Variants in GLRA3 observed in about 807,000 individuals in gnomAD.
The protein encoded by GLRA3 is glycine receptor alpha 3.
Under a neutral mutation model 60.4 loss-of-function variants are expected in GLRA3, and 44 were observed. That is an observed-to-expected ratio of 0.73 (90% CI 0.57 to 0.94). The LOEUF (loss-of-function observed/expected upper bound fraction) is 0.94, where lower values mean the gene tolerates loss of function less well. Ranked by LOEUF, GLRA3 falls within the 40% of genes least tolerant of loss-of-function variation. The pLI, the probability that GLRA3 is intolerant of heterozygous loss-of-function variation, is 0.00. For synonymous variants in GLRA3, 223 were observed against 192.9 expected (o/e 1.16, Z -1.29); for missense variants, 508 against 564.6 (o/e 0.90, Z 1.02).
chr4:174,643,987 C>T lies in GLRA3; in HGVS notation c.1194G>A (p.Met398Ile). 1 of 1,613,900 alleles carries T rather than the reference C, an allele frequency of 6.2e-7. No homozygotes were observed. The highest frequency in any genetic ancestry group is 8.5e-7 in the Non-Finnish European group (1 of 1,179,886). Residue 398 changes from methionine to isoleucine, a missense_variant, in exon 10 of 10, where the codon ATG (methionine) becomes ATA (isoleucine). This residue lies in a region of GLRA3 where 176 missense variants were observed against 197.9 expected (regional missense o/e 0.89). Transcript: ENST00000274093. ...MGPCLQAKDG[M>I]TPKGPNHPVQ... ...CAGGGTGGTTGGGGCCCTTTGGAGT[C>T]ATGCCATCCTTTGCTTGTAGACATG...
chr4:174,670,184 A>G (rs1034060674), intron 7 of GLRA3, among the ~76,000 whole-genome samples: 2 of 152,100 alleles, frequency 1.3e-5, no homozygotes, highest in Admixed American at 6.6e-5. Context: ...ATTTCTTAAT[A>G]TATTACCTTT....
intron 2 of GLRA3, among the ~76,000 whole-genome samples, chr4:174,775,242 G>A (rs111809627): frequency 6.6e-6 from 1 of 152,040 alleles, no homozygotes; most frequent in Non-Finnish European, 1.5e-5. Flanking sequence ...GAACAATAGT[G>A]TCTTGGTGGA....
chr4:174,770,917 T>C (rs553676987), intron 2 of GLRA3, among the ~76,000 whole-genome samples: 1 of 151,514 alleles, frequency 6.6e-6, no homozygotes, highest in Non-Finnish European at 1.5e-5. Flanking sequence ...AATGAAAGAG[T>C]TCATGTCCTT....
intron 1 of GLRA3, among the ~76,000 whole-genome samples, chr4:174,809,842 C>T (rs1740192370): frequency 6.6e-6 from 1 of 151,948 alleles, no homozygotes; most frequent in South Asian, 2.1e-4. Flanking sequence ...GAGTGCTATC[C>T]TCACCATTTG....
At chr4:174,751,267 A>G (rs1737476016) in intron 3 of GLRA3, among the ~76,000 whole-genome samples, 1 of 152,112 alleles carries the variant, frequency 6.6e-6, no homozygotes, top group Non-Finnish European at 1.5e-5. Flanking sequence ...CGAAGGAGAC[A>G]TCAAGAATGA....
chr4:174,692,315 T>G (rs1734867211), intron 5 of GLRA3, among the ~76,000 whole-genome samples: 1 of 140,388 alleles, frequency 7.1e-6, no homozygotes, highest in African/African-American at 2.7e-5. Flanking sequence ...GGGAGGGAGG[T>G]GGGGGGGTCA....
rs371270663 is a variant in GLRA3 at position 174,823,099 on chromosome 4, A to G, written c.71+5642T>C. Among the ~76,000 whole-genome samples, 16 of 152,288 alleles carry G rather than the reference A, an allele frequency of 1.1e-4. No individual in the cohort carries two copies. The East Asian group carries it at 2.1e-3, about 20-fold the overall frequency. On this transcript the variant is annotated intron_variant, in intron 1 of 9. Transcript: ENST00000274093. ...TTCCATATATACACTGTTTGTTGCT[A>G]AACAGTTGGTTCTGTCTTTGAATTT... is the stretch of plus-strand genomic sequence containing the variant.
rs1485259498 is a variant in GLRA3 at position 174,642,968 on chromosome 4, G to A, written c.*818C>T. ...ATTAAACACAATCACATACAGTTAA[G>A]TAGCTATTAAAAGTCTAACAAAAAC... On this transcript the variant is annotated 3_prime_UTR_variant, in exon 10 of 10. Coordinates refer to ENST00000274093, the MANE Select transcript of GLRA3 (RefSeq NM_006529.4). 2 of 832,526 alleles carry A rather than the reference G, an allele frequency of 2.4e-6. No homozygotes were observed. Among genetic ancestry groups the A allele is most frequent in the East Asian group, 2.5e-4 (2 of 8,144 alleles). The allele number at this position is 832,526 out of a possible 1,614,324, so 51.6% of individuals were successfully genotyped here. A position where few individuals can be genotyped will look rare whatever the true frequency, so the allele number is the denominator to read the frequency against.
At chr4:174,718,713 A>G (rs1279390419) in intron 4 of GLRA3, among the ~76,000 whole-genome samples, 1 of 152,210 alleles carries the variant, frequency 6.6e-6, no homozygotes, top group African/African-American at 2.4e-5. Context: ...AATCTATATT[A>G]TCTGTAATAT....
chr4:174,689,819 C>G (rs1734722408), intron 5 of GLRA3, among the ~76,000 whole-genome samples: 1 of 123,340 alleles, frequency 8.1e-6, no homozygotes, highest in Admixed American at 9.2e-5. Context: ...TTCAAGAGAC[C>G]TATCTCACAA....
chr4:174,659,328 A>AT (rs1026086013), intron 7 of GLRA3, 131 bp from the exon 8 acceptor site: 6 of 672,676 alleles, frequency 8.9e-6, no homozygotes, highest in South Asian at 2.1e-5. Context: ...GAAAATGACA[A>AT]TTTTTTCTTG....
chr4:174,706,097 G>C (rs1186106321), intron 5 of GLRA3, among the ~76,000 whole-genome samples: 2 of 152,072 alleles, frequency 1.3e-5, no homozygotes, highest in Non-Finnish European at 2.9e-5. Flanking sequence ...GGGCGTGGTG[G>C]CGGGCACCTG....
chr4:174,701,607 G>A (rs919803863), intron 5 of GLRA3, among the ~76,000 whole-genome samples: 1 of 152,154 alleles, frequency 6.6e-6, no homozygotes, highest in African/African-American at 2.4e-5. Context: ...TATGGATCTG[G>A]GCAAAGTAAA....
chr4:174,759,490 A>T (rs1299386101), intron 3 of GLRA3, among the ~76,000 whole-genome samples: 1 of 152,150 alleles, frequency 6.6e-6, no homozygotes, highest in African/African-American at 2.4e-5. Context: ...AGAAAGACTC[A>T]GTAGTTTGAG....
At chr4:174,791,439 T>C (rs1739342066) in intron 1 of GLRA3, among the ~76,000 whole-genome samples, 1 of 152,228 alleles carries the variant, frequency 6.6e-6, no homozygotes, top group Non-Finnish European at 1.5e-5. Context: ...TTCTGTTCTT[T>C]GTGGTAATTT....
At chr4:174,806,992 A>G (rs1407746568) in intron 1 of GLRA3, among the ~76,000 whole-genome samples, 1 of 152,098 alleles carries the variant, frequency 6.6e-6, no homozygotes, top group Non-Finnish European at 1.5e-5. Context: ...ATAAACATAT[A>G]CATAATCAAG....
At chr4:174,780,961 G>T (rs1738842957) in intron 2 of GLRA3, among the ~76,000 whole-genome samples, 1 of 152,100 alleles carries the variant, frequency 6.6e-6, no homozygotes, top group Admixed American at 6.6e-5. Context: ...GCACCAAGTG[G>T]ACCTAATAGA....
intron 1 of GLRA3, among the ~76,000 whole-genome samples, chr4:174,816,617 T>C (rs1303787669): frequency 2.0e-5 from 3 of 151,916 alleles, no homozygotes; most frequent in South Asian, 4.1e-4. Flanking sequence ...ATCCAATCAA[T>C]GGACAAGTGG....
At chr4:174,652,672 T>G (rs1403760878) in intron 9 of GLRA3, among the ~76,000 whole-genome samples, 1 of 152,140 alleles carries the variant, frequency 6.6e-6, no homozygotes, top group Non-Finnish European at 1.5e-5. Flanking sequence ...TGCCAAGCAC[T>G]GATTCATATA....
Sources: gnomAD v4.1 joint callset for allele counts (sites outside exome capture counted in the v4.1 genomes callset) on GRCh38, gnomAD v4.1.1 for gene constraint, gnomAD v4.1.1 regional missense constraint, MANE v1.5 for transcripts, NCBI Gene and HGNC (gene_info 2026-07-23, HGNC 2026-07-21) for gene names.